The following FREM3 variants were observed in gnomAD, a reference collection of about 807,000 sequenced individuals.
FREM3 encodes FRAS1-related extracellular matrix protein 3.
Under a neutral mutation model 129.1 loss-of-function variants are expected in FREM3, and 105 were observed. That is an observed-to-expected ratio of 0.81 (90% CI 0.69 to 0.96). The LOEUF (loss-of-function observed/expected upper bound fraction) is 0.96, where lower values mean the gene tolerates loss of function less well. Among genes scored for constraint, FREM3 ranks in the 40% least tolerant of loss-of-function variants. The pLI is 0.00. For synonymous variants in FREM3, 1,014 were observed against 1,044.9 expected, an observed-to-expected ratio of 0.97 and a Z score of 0.57; for missense variants, 2,593 against 2,666.3, an observed-to-expected ratio of 0.97 and a Z score of 0.61.
intron 2 of FREM3, among the ~76,000 whole-genome samples, chr4:143,645,599 C>T (rs1404347041): frequency 6.6e-6 from 1 of 152,194 alleles, no homozygotes; most frequent in Non-Finnish European, 1.5e-5. Context: ...CCTTACTTTC[C>T]TGCCTGCTGG....
intron 7 of FREM3, among the ~76,000 whole-genome samples, chr4:143,583,919 G>A (rs910350898): frequency 3.3e-5 from 5 of 152,102 alleles, no homozygotes; most frequent in East Asian, 1.9e-4. Flanking sequence ...ATAATAAACC[G>A]CTAACAACAA....
In FREM3 at chr4:143,699,177, G is replaced by T. The variant is rs1403821145; in HGVS notation, c.1499C>A (p.Ala500Glu). 3.3e-6 allele frequency: 5 copies of T among 1,537,354 alleles called. No homozygotes were observed. The Admixed American group carries it at 9.8e-5, about 30-fold the overall frequency. Residue 500 changes from alanine to glutamate, a missense_variant, in exon 1 of 8, where the codon GCA becomes GAA. Ala to Glu is a moderately radical substitution (Grantham distance 107). Coordinates refer to ENST00000329798, the MANE Select transcript of FREM3 (RefSeq NM_001168235.2). This position sits in a 1 kb window ranked among gnomAD's most constrained non-coding sequence, Gnocchi z 4.2. ...ATCATGCTGATACACCACTCGCCCT[G>T]CTGCCAGGTCCGCTGGTGTGAAATA... ...CKYFTPADLA[A>E]GRVVYQHDGS...
intron 6 of FREM3, among the ~76,000 whole-genome samples, chr4:143,594,352 A>G (rs1018483654): frequency 2.0e-5 from 3 of 152,216 alleles, no homozygotes; most frequent in African/African-American, 4.8e-5. Context: ...AGCTGTTCCT[A>G]TTTGGCCATC....
chr4:143,640,088 G>A (rs572084249), intron 2 of FREM3, among the ~76,000 whole-genome samples: 8 of 152,234 alleles, frequency 5.3e-5, no homozygotes, highest in African/African-American at 1.7e-4. Context: ...TTTGAATGTT[G>A]CTTCTTAATG....
At chr4:143,613,232 A>C (rs551351847) in intron 5 of FREM3, among the ~76,000 whole-genome samples, 2 of 152,366 alleles carry the variant, frequency 1.3e-5, no homozygotes, top group South Asian at 4.1e-4. Flanking sequence ...TGGAGAGTTG[A>C]TGAGAACAAA....
intron 2 of FREM3, among the ~76,000 whole-genome samples, chr4:143,675,972 G>A (rs377236630): frequency 4.0e-4 from 61 of 152,164 alleles, no homozygotes; most frequent in Admixed American, 1.0e-3. Flanking sequence ...ACAAGGAGGA[G>A]CTGGTACCAT....
At chr4:143,606,790 A>T (rs1174410393) in intron 6 of FREM3, among the ~76,000 whole-genome samples, 1 of 118,756 alleles carries the variant, frequency 8.4e-6, no homozygotes, top group Non-Finnish European at 1.8e-5. Context: ...TGAATCTAGA[A>T]GGATTTTTTT....
intron 5 of FREM3, among the ~76,000 whole-genome samples, chr4:143,617,855 C>T (rs114175206): frequency 0.013 from 1,999 of 152,174 alleles, 75 homozygotes; most frequent in Admixed American, 0.081. Context: ...GTGGGAGCTA[C>T]GGGGTGTGGT....
intron 2 of FREM3, among the ~76,000 whole-genome samples, chr4:143,661,670 G>T (rs1183106681): frequency 6.6e-6 from 1 of 152,196 alleles, no homozygotes; most frequent in Non-Finnish European, 1.5e-5. Context: ...AATGGTACCA[G>T]TTCCTTCTTA....
intron 7 of FREM3, among the ~76,000 whole-genome samples, chr4:143,578,648 A>T (rs989005459): frequency 1.3e-5 from 2 of 152,256 alleles, no homozygotes; most frequent in African/African-American, 4.8e-5. Context: ...TTGACAGAAT[A>T]CAATGAGAGG....
chr4:143,592,037 G>C (rs181477816), intron 6 of FREM3, among the ~76,000 whole-genome samples: 3,093 of 152,252 alleles, frequency 0.02, 50 homozygotes, highest in Non-Finnish European at 0.029. Flanking sequence ...TTTAACATCT[G>C]TTTTATCAGA....
Position 143,698,230 on chromosome 4 carries a change from C to G in FREM3, c.2446G>C (p.Gly816Arg). The change falls in exon 1 of 8, where the codon GGC (glycine) becomes CGC (arginine). Residue 816 changes from glycine to arginine, a missense_variant. Coordinates refer to ENST00000329798, the MANE Select transcript of FREM3 (RefSeq NM_001168235.2). ...GGTTGCAGGAATAATGTGAATGTGCCTGGCACGCTATTGCCTGCAGCATCT... is the reference window on the plus strand; with the variant it reads ...GGTTGCAGGAATAATGTGAATGTGCGTGGCACGCTATTGCCTGCAGCATCT... ...VEDAAGNSVP[G>R]TFTLFLQPVD... The G allele has an allele frequency of 6.5e-7, 1 of 1,537,384 alleles. No homozygotes were observed. The highest frequency in any genetic ancestry group is 8.7e-7 in the Non-Finnish European group (1 of 1,146,928).
chr4:143,667,254 A>G (rs1289054084), intron 2 of FREM3, among the ~76,000 whole-genome samples: 1 of 152,182 alleles, frequency 6.6e-6, no homozygotes, highest in Non-Finnish European at 1.5e-5. Flanking sequence ...CTATATACAG[A>G]TCTCTTAAAT....
intron 2 of FREM3, among the ~76,000 whole-genome samples, chr4:143,647,200 G>A (rs971544032): frequency 6.6e-6 from 1 of 152,188 alleles, no homozygotes; most frequent in African/African-American, 2.4e-5. Context: ...CTAGAGATCT[G>A]TGGAACTTTG....
chr4:143,591,669 C>T (rs1738365427), intron 6 of FREM3, among the ~76,000 whole-genome samples: 2 of 152,042 alleles, frequency 1.3e-5, no homozygotes, highest in African/African-American at 4.8e-5. Flanking sequence ...ACTATGTGGT[C>T]AGTTTTGGAA....
At position 143,585,044 on chromosome 4, in the gene FREM3, A is replaced by T. The variant is rs1261718222; in HGVS notation, c.6178+800T>A. Among the ~76,000 whole-genome samples the T allele has an allele frequency of 6.6e-6, 1 of 152,238 alleles. No individual in the cohort carries two copies. The highest frequency in any genetic ancestry group is 1.5e-5 in the Non-Finnish European group (1 of 68,034). ...GAATGACTTCTGGGTAAACAATGTAATTAAGGCAGAAACCAAGAAATTTTT... is the reference window on the plus strand; with the variant it reads ...GAATGACTTCTGGGTAAACAATGTATTTAAGGCAGAAACCAAGAAATTTTT... On this transcript the variant is annotated intron_variant, in intron 7 of 7. Coordinates refer to ENST00000329798, the MANE Select transcript of FREM3 (RefSeq NM_001168235.2). The surrounding 1 kb of genome is among the most constrained non-coding windows in gnomAD (Gnocchi z 4.2).
At chr4:143,651,023 G>A (rs1330165251) in intron 2 of FREM3, among the ~76,000 whole-genome samples, 7 of 152,074 alleles carry the variant, frequency 4.6e-5, no homozygotes, top group African/African-American at 1.2e-4. Context: ...AGTGGTCTAG[G>A]TATTCCTTTT....
intron 1 of FREM3, among the ~76,000 whole-genome samples, chr4:143,693,695 C>T (rs1230830817): frequency 1.3e-5 from 2 of 152,178 alleles, no homozygotes; most frequent in East Asian, 1.9e-4. Flanking sequence ...ATTGAATCAA[C>T]CTAAATGTCC....
chr4:143,619,786 A>G (rs963299884), intron 5 of FREM3, among the ~76,000 whole-genome samples: 2 of 152,108 alleles, frequency 1.3e-5, no homozygotes, highest in Non-Finnish European at 2.9e-5. Context: ...CCCTACTATT[A>G]AAGTTTCCAT....
Sources: gnomAD v4.1 joint callset for allele counts (sites outside exome capture counted in the v4.1 genomes callset) on GRCh38, gnomAD v4.1.1 for gene constraint, Gnocchi (gnomAD v3.1) non-coding constraint, MANE v1.5 for transcripts, NCBI Gene and HGNC (gene_info 2026-07-23, HGNC 2026-07-21) for gene names.